The following CHRNA2 variants were observed in gnomAD, a reference collection of about 807,000 sequenced individuals.
CHRNA2 encodes neuronal acetylcholine receptor subunit alpha-2.
In CHRNA2, 40 loss-of-function variants were observed where a neutral mutation model predicts 45.5. The ratio of observed to expected loss-of-function variants is 0.88; its 90% CI spans 0.68 to 1.15. The LOEUF (loss-of-function observed/expected upper bound fraction) is 1.15. Ranked by LOEUF, CHRNA2 falls within the 50% of genes most tolerant of loss-of-function variation. The probability of loss-of-function intolerance (pLI) is 0.00; values close to 1 mark genes in which losing one functional copy is unlikely to be tolerated. For synonymous variants in CHRNA2, 301 were observed against 296.7 expected (o/e 1.01, Z -0.15); for missense variants, 655 against 701.7 (o/e 0.93, Z 0.75).
rs770447673 is a variant in CHRNA2 at position 27,463,151 on chromosome 8, G to T, written c.1292C>A (p.Pro431His). 1 of 1,602,010 alleles carries T rather than the reference G, an allele frequency of 6.2e-7. No homozygotes were observed. The highest frequency in any genetic ancestry group is 8.5e-7 in the Non-Finnish European group (1 of 1,170,820). ...GTGGCTGCAGAGGGTGCCCACAGAGGGGGCCACATGACCTGCACATGCCCA... is the reference window on the plus strand; with the variant it reads ...GTGGCTGCAGAGGGTGCCCACAGAGTGGGCCACATGACCTGCACATGCCCA... ...DRWACAGHVA[P>H]SVGTLCSHGH... The change falls in exon 6 of 7, where the codon CCC becomes CAC. Residue 431 changes from proline to histidine, a missense_variant. By Grantham distance (77) the Pro-to-His change is moderately conservative (BLOSUM62 -2). This residue lies in a region of CHRNA2 where 295 missense variants were observed against 280.4 expected (regional missense o/e 1.05). Coordinates refer to ENST00000407991, the MANE Select transcript of CHRNA2 (RefSeq NM_000742.4). The surrounding 1 kb of genome is among the most constrained non-coding windows in gnomAD (Gnocchi z 6.1).
In CHRNA2 at chr8:27,460,232, A is replaced by G; in HGVS notation, c.*1397T>C. ...CTCCAGTCTGGACAGAGTTGGGGGG[A>G]GGTCTGTTGCCCGATCCCAGGAGCA... On this transcript the variant is annotated 3_prime_UTR_variant, in exon 7 of 7. Transcript: ENST00000407991. 2 of 151,980 alleles carry G rather than the reference A, an allele frequency of 1.3e-5. No individual in the cohort carries two copies. Among genetic ancestry groups the G allele is most frequent in the Non-Finnish European group, 2.9e-5 (2 of 68,000 alleles). 9.4% of individuals were successfully genotyped at this position (151,980 alleles called of 1,614,324 possible).
At chr8:27,472,292 A>G (rs2132673002) in intron 1 of CHRNA2, among the ~76,000 whole-genome samples, 1 of 152,344 alleles carries the variant, frequency 6.6e-6, no homozygotes, top group South Asian at 2.1e-4. Flanking sequence ...AGTGGGTTAG[A>G]AGCACAGGTA....
At chr8:27,474,285 T>A (rs1024210585) in intron 1 of CHRNA2, among the ~76,000 whole-genome samples, 1 of 152,156 alleles carries the variant, frequency 6.6e-6, no homozygotes, top group African/African-American at 2.4e-5. Flanking sequence ...CACCAGAGTG[T>A]TTTAGGGGAA....
rs749144601 is a variant in CHRNA2 at position 27,463,294 on chromosome 8, G to A, written c.1149C>T (p.Pro383=). ...CVPRWLLMNR[P]PPPVELCHPL... The stretch of plus-strand genomic sequence containing the variant: ...GGTGGCAGAGCTCCACGGGTGGTGG[G>A]GGCCGGTTCATCAGAAGCCACCGGG... The change falls in exon 6 of 7, where the codon CCC becomes CCT. Residue 383 remains proline (P), a synonymous_variant. Transcript: ENST00000407991. This position sits in a 1 kb window ranked among gnomAD's most constrained non-coding sequence, Gnocchi z 6.1. 6.2e-7 allele frequency: 1 copy of A among 1,609,910 alleles called. No individual in the cohort carries two copies. Among genetic ancestry groups the A allele is most frequent in the Non-Finnish European group, 8.5e-7 (1 of 1,176,858 alleles).
chr8:27,465,755 G>A (rs748385011), intron 5 of CHRNA2, among the ~76,000 whole-genome samples: 4 of 152,104 alleles, frequency 2.6e-5, no homozygotes, highest in Non-Finnish European at 5.9e-5. Context: ...TAAGCATTTT[G>A]TTTATCACAA....
At chr8:27,467,134 G>T in intron 5 of CHRNA2, 95 bp downstream of exon 5, 1 of 851,726 alleles carries the variant, frequency 1.2e-6, no homozygotes, top group Non-Finnish European at 2.0e-6. Flanking sequence ...AGGAGGCGAG[G>T]AAGCTGACAC....
At chr8:27,472,530 G>C (rs1812920547) in intron 1 of CHRNA2, among the ~76,000 whole-genome samples, 2 of 152,168 alleles carry the variant, frequency 1.3e-5, no homozygotes, top group African/African-American at 2.4e-5. Flanking sequence ...TGTGGGGTGA[G>C]AGCAGAGAAA....
At chr8:27,471,475 A>G (rs1013445413) in intron 1 of CHRNA2, among the ~76,000 whole-genome samples, 3 of 152,230 alleles carry the variant, frequency 2.0e-5, no homozygotes, top group African/African-American at 7.2e-5. Flanking sequence ...CTCAGTGGTC[A>G]TCTATAAAAT....
chr8:27,467,074 A>G (rs951704256), intron 5 of CHRNA2, among the ~76,000 whole-genome samples, 155 bp downstream of exon 5: 1 of 152,200 alleles, frequency 6.6e-6, no homozygotes, highest in Admixed American at 6.5e-5. Context: ...GAAAGAAATG[A>G]AGGAATAGAG....
chr8:27,461,811 C>A, intron 6 of CHRNA2, 57 bp from the exon 7 acceptor site: 1 of 1,612,250 alleles, frequency 6.2e-7, no homozygotes, highest in Non-Finnish European at 8.5e-7. Context: ...GGATGTGTTC[C>A]CCCCATTCAC....
intron 1 of CHRNA2, chr8:27,475,631 C>T (rs1813038617): frequency 6.6e-6 from 1 of 152,042 alleles, no homozygotes; most frequent in Non-Finnish European, 1.5e-5. Flanking sequence ...GTGGTGATGT[C>T]TACACAACAA....
intron 4 of CHRNA2, among the ~76,000 whole-genome samples, chr8:27,467,909 A>T (rs1358771090): frequency 6.6e-6 from 1 of 152,030 alleles, no homozygotes; most frequent in Non-Finnish European, 1.5e-5. Context: ...CAGAGACGGG[A>T]TGTCTGGCCC....
chr8:27,469,986 C>T lies in CHRNA2; in HGVS notation c.74-5G>A, dbSNP rs1207845483. On this transcript the variant is annotated splice_polypyrimidine_tract_variant and splice_region_variant and intron_variant, in intron 2 of 6. Coordinates refer to ENST00000407991, the MANE Select transcript of CHRNA2 (RefSeq NM_000742.4). ...GGCGCTTAGCTTCCTCTCCACCTGC[C>T]ATCAAATCAGAGCCACTCAGCCTCA... The T allele has an allele frequency of 2.5e-6, 4 of 1,612,286 alleles. No homozygotes were observed. In the African/African-American group the frequency reaches 4.0e-5, roughly 16 times the overall value.
intron 4 of CHRNA2, among the ~76,000 whole-genome samples, chr8:27,469,122 G>A (rs573741896): frequency 6.6e-6 from 1 of 152,320 alleles, no homozygotes; most frequent in African/African-American, 2.4e-5. Context: ...CTGAGGCTAT[G>A]TTCTCAGGCA....
Position 27,463,897 on chromosome 8 carries a change from G to A in CHRNA2, c.546C>T (p.Ser182=), listed in dbSNP as rs746797491. Residue 182 remains serine (S), a synonymous_variant, in exon 6 of 7, where the codon TCC becomes TCT. Transcript: ENST00000407991. This position sits in a 1 kb window ranked among gnomAD's most constrained non-coding sequence, Gnocchi z 6.1. The stretch of plus-strand genomic sequence containing the variant: ...GGAAGAAGGTGACGTCGATGCTGCA[G>A]GAGCTCTTGTAGATGGCCGGGGGCA... ...HWVPPAIYKS[S]CSIDVTFFPF... is the part of the protein sequence containing the mutation. 6.2e-7 allele frequency: 1 copy of A among 1,614,210 alleles called. No individual in the cohort carries two copies. The highest frequency in any genetic ancestry group is 1.1e-5 in the South Asian group (1 of 91,086).
At chr8:27,471,292 A>C in intron 1 of CHRNA2, 98 bp from the exon 2 acceptor site, 2 of 483,206 alleles carry the variant, frequency 4.1e-6, no homozygotes, top group Non-Finnish European at 7.6e-6. Context: ...TGAGAGCAAA[A>C]GGCCCTCAGC....
rs1029876256 is a variant in CHRNA2 at position 27,460,784 on chromosome 8, G to GC, written c.*844dup. 3.3e-5 allele frequency: 5 copies of GC among 152,272 alleles called. No individual in the cohort carries two copies. The highest frequency in any genetic ancestry group is 1.2e-4 in the African/African-American group (5 of 41,430). 9.4% of individuals were successfully genotyped at this position (152,272 alleles called of 1,614,324 possible). A position where few individuals can be genotyped will look rare whatever the true frequency, so the allele number is the denominator to read the frequency against. On this transcript the variant is annotated 3_prime_UTR_variant, in exon 7 of 7. Transcript: ENST00000407991. ...TGCTGCACGCGTAGGGACATATGGA[G>GC]CCCCTGCAGGCCATGGCTCTCAGCT... is the stretch of plus-strand genomic sequence containing the variant.
chr8:27,460,809 T>A lies in CHRNA2; in HGVS notation c.*820A>T, dbSNP rs1309901589. 6.6e-6 allele frequency: 1 copy of A among 152,212 alleles called. No homozygotes were observed. Among genetic ancestry groups the A allele is most frequent in the Non-Finnish European group, 1.5e-5 (1 of 68,090 alleles). 9.4% of individuals were successfully genotyped at this position (152,212 alleles called of 1,614,324 possible). A position where few individuals can be genotyped will look rare whatever the true frequency, so the allele number is the denominator to read the frequency against. ...GCCCCTGCAGGCCATGGCTCTCAGC[T>A]CTGCCAGACCTCCTGGGGGCCGGCT... On this transcript the variant is annotated 3_prime_UTR_variant, in exon 7 of 7. Transcript: ENST00000407991.
Position 27,471,062 on chromosome 8 carries a change from T to G in CHRNA2, c.-4A>C. 1 of 1,613,930 alleles carries G rather than the reference T, an allele frequency of 6.2e-7. No individual in the cohort carries two copies. The highest frequency in any genetic ancestry group is 8.5e-7 in the Non-Finnish European group (1 of 1,179,838). On this transcript the variant is annotated 5_prime_UTR_variant, in exon 2 of 7. Coordinates refer to ENST00000407991, the MANE Select transcript of CHRNA2 (RefSeq NM_000742.4). ...ACACAGGACAGGAGGGGCCCATGGC[T>G]TCTCCTGAGCATCAGGAGGTCAGGT...
Sources: gnomAD v4.1 joint callset for allele counts (sites outside exome capture counted in the v4.1 genomes callset) on GRCh38, gnomAD v4.1.1 for gene constraint, gnomAD v4.1.1 regional missense constraint, Gnocchi (gnomAD v3.1) non-coding constraint, MANE v1.5 for transcripts, NCBI Gene and HGNC (gene_info 2026-07-23, HGNC 2026-07-21) for gene names.